Variants in LCLAT1 observed in about 807,000 individuals in gnomAD.
LCLAT1 encodes 1-AGP acyltransferase 8.
LCLAT1 carries 11 observed loss-of-function variants against 30.7 expected under a neutral mutation model. That is an observed-to-expected ratio of 0.36 (90% CI 0.23 to 0.59). The LOEUF (loss-of-function observed/expected upper bound fraction) is 0.59. LCLAT1 is among the 20% of genes least tolerant of loss of function. LCLAT1 has a pLI of 0.77. For missense variants in LCLAT1, 402 were observed against 458.6 expected, an observed-to-expected ratio of 0.88 and a Z score of 1.13; for synonymous variants, 155 against 151.3, an observed-to-expected ratio of 1.02 and a Z score of -0.18.
intron 1 of LCLAT1, among the ~76,000 whole-genome samples, chr2:30,511,936 G>A (rs722019): frequency 0.24 from 36,614 of 152,068 alleles, 4,935 homozygotes; most frequent in Non-Finnish European, 0.31. Context: ...TGATGCTTCC[G>A]CCTCCTAGGC....
chr2:30,515,601 C>T (rs12467831), intron 1 of LCLAT1, among the ~76,000 whole-genome samples: 19,172 of 152,180 alleles, frequency 0.13, 1,334 homozygotes, highest in South Asian at 0.23. Context: ...TTAGGTTACA[C>T]TTGAAGTAGG....
At chr2:30,596,412 A>T (rs1239481375) in intron 5 of LCLAT1, among the ~76,000 whole-genome samples, 1 of 151,624 alleles carries the variant, frequency 6.6e-6, no homozygotes, top group Non-Finnish European at 1.5e-5. Context: ...GCTTTTTTTC[A>T]TAAGTTTATT....
At position 30,470,556 on chromosome 2, in the gene LCLAT1, G is replaced by C. The variant is rs1682725884; in HGVS notation, c.-5+23173G>C. 2.0e-5 allele frequency among the ~76,000 whole-genome samples: 3 copies of C among 152,236 alleles called. No individual in the cohort carries two copies. In the South Asian group the frequency reaches 6.2e-4, roughly 32 times the overall value. On this transcript the variant is annotated intron_variant, in intron 1 of 5. Coordinates refer to ENST00000379509, the MANE Select transcript of LCLAT1 (RefSeq NM_001002257.3). ...TGGCTTGGCCTATGTGCAGGAATGA[G>C]CAGAGACAGCTTATGAGGTTAGAAG...
intron 5 of LCLAT1, among the ~76,000 whole-genome samples, chr2:30,591,894 ATAGT>A (rs1390313936): frequency 6.6e-6 from 1 of 152,154 alleles, no homozygotes; most frequent in South Asian, 2.1e-4. Flanking sequence ...GCCTTCTACC[ATAGT>A]TAGTCACTCC....
rs1200707548 is a variant in LCLAT1, at chr2:30,641,532, T to A, written c.*913T>A. ...TTACAACCTACCAAAAAAGGAAGGT[T>A]GTTTTTTCTACATGTGCTTGGGTAT... is the stretch of plus-strand genomic sequence containing the variant. On this transcript the variant is annotated 3_prime_UTR_variant, in exon 6 of 6. Transcript: ENST00000379509. 6.6e-6 allele frequency: 1 copy of A among 152,224 alleles called. No individual in the cohort carries two copies. Among genetic ancestry groups the A allele is most frequent in the Non-Finnish European group, 1.5e-5 (1 of 68,040 alleles). 9.4% of individuals were successfully genotyped at this position (152,224 alleles called of 1,614,324 possible). A position where few individuals can be genotyped will look rare whatever the true frequency, so the allele number is the denominator to read the frequency against.
intron 1 of LCLAT1, among the ~76,000 whole-genome samples, chr2:30,508,829 T>C (rs546910302): frequency 1.3e-5 from 2 of 152,348 alleles, no homozygotes; most frequent in African/African-American, 4.8e-5. Context: ...TTAATAGGAA[T>C]AGCATTGAAT....
intron 1 of LCLAT1, among the ~76,000 whole-genome samples, chr2:30,518,413 CTGCTCAAACG>C (rs546417695): frequency 3.7e-4 from 57 of 152,306 alleles, no homozygotes; most frequent in Non-Finnish European, 5.4e-4. Context: ...AATAATTGGT[CTGCTCAAACG>C]TGCGAGCTGT....
At chr2:30,603,691 C>CAGGATTATTATGTTG (rs532149360) in intron 5 of LCLAT1, among the ~76,000 whole-genome samples, 78 of 152,088 alleles carry the variant, frequency 5.1e-4, no homozygotes, top group Non-Finnish European at 9.7e-4. Flanking sequence ...ATAGAATCTC[C>CAGGATTATTATGTTG]AGGATTATTA....
intron 3 of LCLAT1, among the ~76,000 whole-genome samples, chr2:30,539,222 T>C (rs1034659449): frequency 6.7e-6 from 1 of 150,086 alleles, no homozygotes; most frequent in African/African-American, 2.4e-5. Flanking sequence ...GTGCTGGGAT[T>C]ACAGGCTTGA....
rs1169787425 is a variant in LCLAT1, at chr2:30,642,321, A to G, written c.*1702A>G. ...GTTTCTGATCCTGCTGGGAGCAACT[A>G]ACTAGTTATTATGCACATCTGCTCC... On this transcript the variant is annotated 3_prime_UTR_variant, in exon 6 of 6. Coordinates refer to ENST00000379509, the MANE Select transcript of LCLAT1 (RefSeq NM_001002257.3). 6.6e-6 allele frequency: 1 copy of G among 151,862 alleles called. No homozygotes were observed. The allele number at this position is 151,862 out of a possible 1,614,324, so 9.4% of individuals were successfully genotyped here. A position where few individuals can be genotyped will look rare whatever the true frequency, so the allele number is the denominator to read the frequency against.
intron 5 of LCLAT1, among the ~76,000 whole-genome samples, chr2:30,572,881 T>C (rs1054740760): frequency 6.6e-6 from 1 of 152,062 alleles, no homozygotes; most frequent in African/African-American, 2.4e-5. Flanking sequence ...TAAAAAAAAA[T>C]GACATTCAAA....
rs1247874175 is a variant in LCLAT1 at position 30,640,469 on chromosome 2, T to C, written c.981T>C (p.Tyr327=). The change falls in exon 6 of 6, where the codon TAT becomes TAC. Residue 327 remains tyrosine, a synonymous_variant. Coordinates refer to ENST00000379509, the MANE Select transcript of LCLAT1 (RefSeq NM_001002257.3). ...GCCCTGCAATGTGCCTACTCATATA[T>C]TTGTACAGTCTTGTTAAGTGGTATT... ...LFSPAMCLLI[Y]LYSLVKWYFI... 5.0e-6 allele frequency: 8 copies of C among 1,614,044 alleles called. No individual in the cohort carries two copies. The highest frequency in any genetic ancestry group is 6.8e-6 in the Non-Finnish European group (8 of 1,180,002).
intron 5 of LCLAT1, among the ~76,000 whole-genome samples, chr2:30,575,926 C>T (rs1665975819): frequency 6.6e-6 from 1 of 152,020 alleles, no homozygotes; most frequent in South Asian, 2.1e-4. Context: ...CTAACACTAG[C>T]CAGCTATAAA....
intron 1 of LCLAT1, among the ~76,000 whole-genome samples, chr2:30,484,427 G>A (rs1683467694): frequency 6.6e-6 from 1 of 152,114 alleles, no homozygotes; most frequent in South Asian, 2.1e-4. Context: ...ATTTTTTAGT[G>A]TATTAACTCG....
chr2:30,632,757 C>G (rs1668829735), intron 5 of LCLAT1, among the ~76,000 whole-genome samples: 1 of 152,204 alleles, frequency 6.6e-6, no homozygotes, highest in Non-Finnish European at 1.5e-5. Context: ...ACTATTGTGT[C>G]CATTTACAGC....
At position 30,562,246 on chromosome 2, in the gene LCLAT1, C is replaced by T. The variant is rs780914467; in HGVS notation, c.465C>T (p.His155=). The T allele has an allele frequency of 2.2e-5, 35 of 1,612,410 alleles. No individual in the cohort carries two copies. The highest frequency in any genetic ancestry group is 2.0e-4 in the East Asian group (9 of 44,872). The change falls in exon 4 of 6, where the codon CAC becomes CAT. Residue 155 remains histidine (H), a synonymous_variant. Coordinates refer to ENST00000379509, the MANE Select transcript of LCLAT1 (RefSeq NM_001002257.3). ...TGATTGATTACTTTTGTGATATTCA[C>T]GAACCACTTCAACTCCTCATATTCC... ...EDMIDYFCDI[H]EPLQLLIFPE...
intron 1 of LCLAT1, among the ~76,000 whole-genome samples, chr2:30,494,921 C>T (rs1228801616): frequency 1.4e-5 from 2 of 143,348 alleles, no homozygotes; most frequent in Admixed American, 7.0e-5. Context: ...ATTCCAGGTT[C>T]GTTTCACGAT....
chr2:30,476,126 A>C (rs191271082), intron 1 of LCLAT1, among the ~76,000 whole-genome samples: 10 of 152,358 alleles, frequency 6.6e-5, no homozygotes, highest in African/African-American at 2.2e-4. Context: ...TAATGCATCA[A>C]GAGGATGAAA....
chr2:30,614,885 G>C (rs865856301), intron 5 of LCLAT1, among the ~76,000 whole-genome samples: 2 of 152,152 alleles, frequency 1.3e-5, no homozygotes, highest in Non-Finnish European at 1.5e-5. Context: ...AGAGTGGCCT[G>C]TGAAGTTGGG....
Sources: allele counts gnomAD v4.1 joint callset (sites outside exome capture counted in the v4.1 genomes callset), GRCh38; gene constraint gnomAD v4.1.1; transcripts MANE v1.5; gene names NCBI Gene and HGNC (gene_info 2026-07-23, HGNC 2026-07-21).